LAMA2: variants seen among roughly 807,000 people sequenced by gnomAD.
The protein encoded by LAMA2 is laminin subunit alpha 2, also known as laminin subunit alpha-2.
Under a neutral mutation model 364.8 loss-of-function variants are expected in LAMA2, and 269 were observed. The observed-to-expected ratio is 0.74, with a 90% CI of 0.67 to 0.82. The LOEUF (loss-of-function observed/expected upper bound fraction) is 0.82, where lower values mean the gene tolerates loss of function less well. LAMA2 is among the 40% of genes least tolerant of loss of function. The pLI is 0.00. For synonymous variants in LAMA2, 1,379 were observed against 1,370.6 expected, an observed-to-expected ratio of 1.01 and a Z score of -0.14; for missense variants, 3,807 against 3,873.2, an observed-to-expected ratio of 0.98 and a Z score of 0.45.
At chr6:128,889,311 T>C (rs911035756) in intron 1 of LAMA2, among the ~76,000 whole-genome samples, 2 of 152,168 alleles carry the variant, frequency 1.3e-5, no homozygotes, top group Non-Finnish European at 2.9e-5. Context: ...GAAAATGACA[T>C]AGTGATGTAT....
At chr6:129,377,577 C>T (rs1778445313) in intron 34 of LAMA2, among the ~76,000 whole-genome samples, 1 of 152,106 alleles carries the variant, frequency 6.6e-6, no homozygotes, top group Non-Finnish European at 1.5e-5. Context: ...TGCTTCACTA[C>T]CACTTAGACA....
rs116832694 is a variant in LAMA2 at position 129,260,311 on chromosome 6, A to G, written c.2097-400A>G. ...AATTTAAAAGCTAAGATGGAATATT[A>G]ATATTGCCTACTTCTGCTTTCCTTG... On this transcript the variant is annotated intron_variant, in intron 14 of 64. Coordinates refer to ENST00000421865, the MANE Select transcript of LAMA2 (RefSeq NM_000426.4). Among the ~76,000 whole-genome samples, 830 of 152,266 alleles carry G rather than the reference A, an allele frequency of 5.5e-3. 6 individuals are homozygous for G. Among genetic ancestry groups the G allele is most frequent in the African/African-American group, 0.019 (806 of 41,580 alleles).
At chr6:129,301,815 G>A (rs906653022) in intron 22 of LAMA2, among the ~76,000 whole-genome samples, 4 of 152,132 alleles carry the variant, frequency 2.6e-5, no homozygotes, top group African/African-American at 9.6e-5. Context: ...CACCCCCCAT[G>A]TGCCTACTGT....
chr6:128,992,589 G>T (rs538690863), intron 1 of LAMA2, among the ~76,000 whole-genome samples: 19 of 152,162 alleles, frequency 1.2e-4, no homozygotes, highest in Non-Finnish European at 2.8e-4. Context: ...GGATGACAAG[G>T]TACAGGGCCC....
intron 4 of LAMA2, among the ~76,000 whole-genome samples, chr6:129,126,283 T>C (rs982067748): frequency 6.6e-6 from 1 of 152,230 alleles, no homozygotes; most frequent in Non-Finnish European, 1.5e-5. Flanking sequence ...TGTTTTTCAA[T>C]GAACATCTGT....
At chr6:129,154,001 T>C (rs759087258) in intron 7 of LAMA2, among the ~76,000 whole-genome samples, 1 of 152,248 alleles carries the variant, frequency 6.6e-6, no homozygotes, top group African/African-American at 2.4e-5. Flanking sequence ...GCTTAATTTA[T>C]ATGTTTTAAT....
chr6:129,044,970 A>C (rs1787371515), intron 1 of LAMA2, among the ~76,000 whole-genome samples: 1 of 152,218 alleles, frequency 6.6e-6, no homozygotes, highest in Non-Finnish European at 1.5e-5. Flanking sequence ...AGCATAATAG[A>C]TTTAACATAT....
intron 15 of LAMA2, among the ~76,000 whole-genome samples, chr6:129,266,006 C>T (rs1213747584): frequency 1.3e-5 from 2 of 152,026 alleles, no homozygotes; most frequent in Non-Finnish European, 1.5e-5. Context: ...ATTTGAGAGT[C>T]CTCATATCCT....
chr6:129,127,343 T>G (rs1336478867), intron 4 of LAMA2, among the ~76,000 whole-genome samples: 5 of 152,240 alleles, frequency 3.3e-5, no homozygotes, highest in Non-Finnish European at 5.9e-5. Flanking sequence ...ATGTAATCTT[T>G]CCAAATGACA....
At position 129,133,580 on chromosome 6, in the gene LAMA2, G is replaced by GCATA. The variant is rs553348539; in HGVS notation, c.640-10318_640-10315dup. 4.6e-5 allele frequency among the ~76,000 whole-genome samples: 7 copies of GCATA among 152,238 alleles called. No homozygotes were observed. The South Asian group carries it at 1.5e-3, about 32-fold the overall frequency. On this transcript the variant is annotated intron_variant, in intron 4 of 64. Transcript: ENST00000421865. ...TGACAGTCACTAGGAACTCCAGTTTGCATACACACAATGTTAAGAACATTA... is the reference window on the plus strand; with the variant it reads ...TGACAGTCACTAGGAACTCCAGTTTGCATACATACACACAATGTTAAGAACATTA...
chr6:129,143,693 T>C (rs898032255), intron 4 of LAMA2, among the ~76,000 whole-genome samples: 3 of 151,984 alleles, frequency 2.0e-5, no homozygotes, highest in Non-Finnish European at 4.4e-5. Flanking sequence ...GCCTATGATA[T>C]AAACAAACAA....
chr6:129,459,546 C>T (rs541426010), intron 48 of LAMA2, among the ~76,000 whole-genome samples: 1 of 152,196 alleles, frequency 6.6e-6, no homozygotes, highest in African/African-American at 2.4e-5. Flanking sequence ...GGTCTCATTT[C>T]CTACAAAGTT....
chr6:128,954,910 G>C (rs1177490333), intron 1 of LAMA2, among the ~76,000 whole-genome samples: 1 of 151,696 alleles, frequency 6.6e-6, no homozygotes, highest in African/African-American at 2.4e-5. Context: ...CAGTGTTAAT[G>C]GGCTTTCTTT....
intron 17 of LAMA2, among the ~76,000 whole-genome samples, chr6:129,277,527 GTATC>G (rs1788414996): frequency 6.6e-6 from 1 of 152,108 alleles, no homozygotes; most frequent in Admixed American, 6.6e-5. Flanking sequence ...GTTATGTCGA[GTATC>G]TATATTACTA....
chr6:129,151,282 G>A (rs1300289178), intron 7 of LAMA2, among the ~76,000 whole-genome samples: 1 of 152,186 alleles, frequency 6.6e-6, no homozygotes, highest in African/African-American at 2.4e-5. Flanking sequence ...TTGACAACAC[G>A]AATTCTAAAT....
chr6:128,917,652 A>ATCT (rs1778408495), intron 1 of LAMA2, among the ~76,000 whole-genome samples: 1 of 147,758 alleles, frequency 6.8e-6, no homozygotes, highest in African/African-American at 2.5e-5. Context: ...TTTTCTTACA[A>ATCT]CTTTTTCTCT....
chr6:129,211,662 G>C (rs1783108455), intron 12 of LAMA2, among the ~76,000 whole-genome samples: 1 of 152,142 alleles, frequency 6.6e-6, no homozygotes, highest in South Asian at 2.1e-4. Flanking sequence ...ATTTTCCTGA[G>C]TAATTACCTT....
chr6:129,195,970 G>A (rs557889493), intron 12 of LAMA2, among the ~76,000 whole-genome samples: 1 of 152,306 alleles, frequency 6.6e-6, no homozygotes, highest in East Asian at 1.9e-4. Context: ...CTTTGCATCT[G>A]TAAAGTTCTG....
At chr6:129,385,537 C>A (rs1223233349) in intron 35 of LAMA2, among the ~76,000 whole-genome samples, 1 of 152,044 alleles carries the variant, frequency 6.6e-6, no homozygotes, top group Non-Finnish European at 1.5e-5. Flanking sequence ...TTATCTATTT[C>A]AGCTTTATGT....
Sources: gnomAD v4.1 joint callset for allele counts (sites outside exome capture counted in the v4.1 genomes callset) on GRCh38, gnomAD v4.1.1 for gene constraint, MANE v1.5 for transcripts, NCBI Gene and HGNC (gene_info 2026-07-23, HGNC 2026-07-21) for gene names.